KCTD1: variants seen among roughly 807,000 people sequenced by gnomAD.
KCTD1 encodes BTB/POZ domain-containing protein KCTD1.
Under a neutral mutation model 66.0 loss-of-function variants are expected in KCTD1, and 24 were observed. The ratio of observed to expected loss-of-function variants is 0.36; its 90% CI spans 0.26 to 0.51. The LOEUF is 0.51. Among genes scored for constraint, KCTD1 ranks in the 20% least tolerant of loss-of-function variants. The pLI, the probability that KCTD1 is intolerant of heterozygous loss-of-function variation, is 0.95. For synonymous variants in KCTD1, 511 were observed against 517.2 expected, an observed-to-expected ratio of 0.99 and a Z score of 0.16; for missense variants, 943 against 1,205.2, an observed-to-expected ratio of 0.78 and a Z score of 3.22.
At chr18:26,562,434 G>C (rs1424602494) in intron 1 of KCTD1, among the ~76,000 whole-genome samples, 2 of 138,398 alleles carry the variant, frequency 1.4e-5, no homozygotes, top group African/African-American at 2.8e-5. Flanking sequence ...GGTGGGGGGT[G>C]GGGGGGTGGG....
chr18:26,530,719 C>T (rs540685103), intron 1 of KCTD1, among the ~76,000 whole-genome samples: 64 of 152,324 alleles, frequency 4.2e-4, no homozygotes, highest in East Asian at 1.5e-3. Context: ...CTGTCTTAAT[C>T]GTCTGACCCT....
In KCTD1 at chr18:26,610,594, A is replaced by G. The variant is rs919774987; in HGVS notation, c.-16+18553T>C. Among the ~76,000 whole-genome samples the G allele has an allele frequency of 2.2e-4, 32 of 147,794 alleles. No homozygotes were observed. In the South Asian group the frequency reaches 2.2e-3, roughly 10 times the overall value. On this transcript the variant is annotated intron_variant, in intron 1 of 4. Coordinates refer to the KCTD1 transcript ENST00000317932. ...CTAAGAAAGAGAGAGAGAGAGAAAGAAAGGAAGGAAGGAAGGAAGGAATGA... is the reference window on the plus strand; with the variant it reads ...CTAAGAAAGAGAGAGAGAGAGAAAGGAAGGAAGGAAGGAAGGAAGGAATGA...
At chr18:26,605,745 T>TATC (rs1432036711) in intron 1 of KCTD1, among the ~76,000 whole-genome samples, 1 of 149,288 alleles carries the variant, frequency 6.7e-6, no homozygotes, top group African/African-American at 2.5e-5. Flanking sequence ...TCTATCTATC[T>TATC]ATCTATCTAT....
intron 1 of KCTD1, among the ~76,000 whole-genome samples, chr18:26,574,999 G>T (rs1986192095): frequency 6.6e-6 from 1 of 152,136 alleles, no homozygotes; most frequent in Non-Finnish European, 1.5e-5. Context: ...GAGGAAATCT[G>T]TGAAATTATC....
chr18:26,530,954 C>A (rs1437606134), intron 1 of KCTD1, among the ~76,000 whole-genome samples: 1 of 152,206 alleles, frequency 6.6e-6, no homozygotes, highest in Non-Finnish European at 1.5e-5. Flanking sequence ...GTTACTATAA[C>A]ATATTTTTAT....
chr18:26,563,441 A>G (rs908562885), intron 1 of KCTD1, among the ~76,000 whole-genome samples: 2 of 152,178 alleles, frequency 1.3e-5, no homozygotes, highest in African/African-American at 4.8e-5. Context: ...CCTTGAAAAC[A>G]CTTGTCTCTC....
Position 26,548,249 on chromosome 18 carries a change from C to CTCCTCCTCTTCCTCCTCCTCCTCG in KCTD1, c.264_287dup (p.Asp88_Glu95dup). On this transcript the variant is annotated inframe_insertion, in exon 1 of 5. Coordinates refer to ENST00000580059, the MANE Select transcript of KCTD1 (RefSeq NM_001142730.3). ...GGGGCTCGTCCCAGTCCAGCCCCAT[C>CTCCTCCTCTTCCTCCTCCTCCTCG]TCCTCCTCTTCCTCCTCCTCCTCGT... The CTCCTCCTCTTCCTCCTCCTCCTCG allele has an allele frequency of 6.6e-7, 1 of 1,514,854 alleles. No individual in the cohort carries two copies. The highest frequency in any genetic ancestry group is 1.2e-5 in the South Asian group (1 of 81,312). The allele number at this position is 1,514,854 out of a possible 1,614,324, so 93.8% of individuals were successfully genotyped here. A position where few individuals can be genotyped will look rare whatever the true frequency, so the allele number is the denominator to read the frequency against.
At chr18:26,632,967 A>C (rs1987653563), upstream of KCTD1, among the ~76,000 whole-genome samples, 1 of 152,162 alleles carries the variant, frequency 6.6e-6, no homozygotes, top group South Asian at 2.1e-4. Context: ...GGATGAAATG[A>C]TTTAAAATTT....
At chr18:26,508,657 T>C (rs7239111) in intron 1 of KCTD1, among the ~76,000 whole-genome samples, 1,694 of 152,270 alleles carry the variant, frequency 0.011, 36 homozygotes, top group African/African-American at 0.039. Context: ...AGTGAAAGAA[T>C]TTAATACAGA....
intron 1 of KCTD1, among the ~76,000 whole-genome samples, chr18:26,517,111 G>GTTA (rs1246088626): frequency 6.6e-6 from 1 of 152,182 alleles, no homozygotes; most frequent in African/African-American, 2.4e-5. Flanking sequence ...GAATCTCTGG[G>GTTA]TTATCAGCCC....
At chr18:26,619,886 C>T (rs1391375547) in intron 1 of KCTD1, among the ~76,000 whole-genome samples, 2 of 152,108 alleles carry the variant, frequency 1.3e-5, no homozygotes, top group Admixed American at 6.5e-5. Flanking sequence ...TGACAAGTGG[C>T]CTTCTCATTT....
chr18:26,583,393 CAAAAAAAAA>C (rs55720907), intron 1 of KCTD1, among the ~76,000 whole-genome samples: 29 of 83,820 alleles, frequency 3.5e-4, no homozygotes, highest in Admixed American at 6.2e-4. Flanking sequence ...GACTTTGTCT[CAAAAAAAAA>C]AAAAAAAAAA....
At chr18:26,485,437 G>T (rs2144630925) in intron 2 of KCTD1, among the ~76,000 whole-genome samples, 1 of 152,376 alleles carries the variant, frequency 6.6e-6, no homozygotes, top group South Asian at 2.1e-4. Context: ...TTGGGAGACA[G>T]TGTGCTATGC....
intron 1 of KCTD1, chr18:26,599,951 C>T: frequency 2.5e-6 from 4 of 1,600,090 alleles, no homozygotes; most frequent in Non-Finnish European, 3.4e-6. Flanking sequence ...AAGAAGTCTT[C>T]TCCTTCAGTG....
upstream of KCTD1, among the ~76,000 whole-genome samples, chr18:26,632,120 C>T (rs1481381507): frequency 6.6e-6 from 1 of 151,282 alleles, no homozygotes; most frequent in Non-Finnish European, 1.5e-5. Context: ...TGCAGTGGCT[C>T]ACACCTGTAA....
chr18:26,513,967 C>T lies in KCTD1; in HGVS notation c.1810-12717G>A, dbSNP rs147309471. Among the ~76,000 whole-genome samples, 11 of 152,304 alleles carry T rather than the reference C, an allele frequency of 7.2e-5. No homozygotes were observed. In the East Asian group the frequency reaches 1.9e-3, roughly 27 times the overall value. ...AATCACTACTGCTTTCTACTTGCCTCCACTGGCAGGAGAAAACAGCAAATA... is the reference window on the plus strand; with the variant it reads ...AATCACTACTGCTTTCTACTTGCCTTCACTGGCAGGAGAAAACAGCAAATA... On this transcript the variant is annotated intron_variant, in intron 1 of 4. Transcript: ENST00000580059.
chr18:26,586,078 A>G (rs572527718), intron 1 of KCTD1, among the ~76,000 whole-genome samples: 9 of 152,256 alleles, frequency 5.9e-5, no homozygotes, highest in African/African-American at 1.9e-4. Flanking sequence ...ATACAATTCA[A>G]TTGTTTTATT....
At chr18:26,466,903 G>A (rs556495945) in intron 3 of KCTD1, among the ~76,000 whole-genome samples, 4 of 152,274 alleles carry the variant, frequency 2.6e-5, no homozygotes, top group African/African-American at 9.6e-5. Flanking sequence ...CACACAAATC[G>A]AGATGGCAGG....
At chr18:26,571,757 T>C (rs894678467) in intron 1 of KCTD1, among the ~76,000 whole-genome samples, 2 of 152,180 alleles carry the variant, frequency 1.3e-5, no homozygotes, top group African/African-American at 4.8e-5. Flanking sequence ...ATGGTGACCG[T>C]GCATAGTAAC....
Sources: gnomAD v4.1 joint callset for allele counts (sites outside exome capture counted in the v4.1 genomes callset) on GRCh38, gnomAD v4.1.1 for gene constraint, MANE v1.5 for transcripts, NCBI Gene and HGNC (gene_info 2026-07-23, HGNC 2026-07-21) for gene names.